The following UBAP2 variants were observed in gnomAD, a reference collection of about 807,000 sequenced individuals.
UBAP2 encodes ubiquitin-associated protein 2.
A neutral mutation model predicts 139.6 loss-of-function variants in UBAP2; 75 were observed. That is an observed-to-expected ratio of 0.54 (90% CI 0.45 to 0.65). UBAP2 has a LOEUF of 0.65. Among genes scored for constraint, UBAP2 ranks in the 30% least tolerant of loss-of-function variants. The pLI is 0.00. For missense variants in UBAP2, 1,368 were observed against 1,369.6 expected (o/e 1.00, Z 0.02); for synonymous variants, 526 against 526.2 (o/e 1.00, Z 0.01).
At chr9:34,023,149 C>T (rs1283173916) in intron 1 of UBAP2, among the ~76,000 whole-genome samples, 1 of 151,628 alleles carries the variant, frequency 6.6e-6, no homozygotes, top group Non-Finnish European at 1.5e-5. Flanking sequence ...TCGCTTGAAC[C>T]CAGGAGGCAG....
intron 6 of UBAP2, among the ~76,000 whole-genome samples, chr9:33,982,864 T>C (rs891945867): frequency 1.3e-5 from 2 of 151,582 alleles, no homozygotes; most frequent in African/African-American, 4.8e-5. Flanking sequence ...CCCTATAATG[T>C]GTGGTGTTTT....
intron 21 of UBAP2, 25 bp from the exon 22 acceptor site, chr9:33,926,689 T>C (rs1823460106): frequency 1.2e-6 from 2 of 1,614,040 alleles, no homozygotes; most frequent in Non-Finnish European, 1.7e-6. Context: ...GAAAGTGTAT[T>C]TTAGGAACCA....
chr9:33,986,753 A>G lies in UBAP2; in HGVS notation c.520+7T>C, dbSNP rs1564048620. 6.2e-7 allele frequency: 1 copy of G among 1,613,300 alleles called. No homozygotes were observed. Among genetic ancestry groups the G allele is most frequent in the East Asian group, 2.2e-5 (1 of 44,852 alleles). ...AAAGCATTTTCTTCCCTCTTACTCT[A>G]GCTTACCTCTACCCCGGGCTCGCTT... On this transcript the variant is annotated splice_region_variant and intron_variant, in intron 6 of 28. Transcript: ENST00000379238.
intron 12 of UBAP2, among the ~76,000 whole-genome samples, chr9:33,949,868 G>A (rs894731461): frequency 6.6e-6 from 1 of 152,126 alleles, no homozygotes; most frequent in African/African-American, 2.4e-5. Flanking sequence ...AAGTTGTTTA[G>A]ATGACTAAGA....
intron 1 of UBAP2, among the ~76,000 whole-genome samples, chr9:34,020,313 G>A (rs1236708312): frequency 6.6e-6 from 1 of 151,166 alleles, no homozygotes; most frequent in African/African-American, 2.4e-5. Context: ...TGATAACAAT[G>A]CAGAGCCAAT....
At chr9:33,963,179 T>C (rs1465657371) in intron 9 of UBAP2, among the ~76,000 whole-genome samples, 2 of 152,030 alleles carry the variant, frequency 1.3e-5, no homozygotes, top group Non-Finnish European at 2.9e-5. Context: ...TAAGCAGAGA[T>C]GCAACATGAT....
At chr9:34,016,349 AGGCAGCAGC>A (rs1309087591) in intron 2 of UBAP2, among the ~76,000 whole-genome samples, 1 of 79,506 alleles carries the variant, frequency 1.3e-5, no homozygotes, top group African/African-American at 6.1e-5. Flanking sequence ...GAAGAGGAGG[AGGCAGCAGC>A]GGCGGCAGCG....
rs148625327 is a variant in UBAP2, at chr9:33,964,094, A to C, written c.680-303T>G. Reference sequence around the variant, plus strand: ...TGTTCAACAGGTACCAGTTTTTAGAAAATTTATAAATTAGCCTTCTGAGTA... The same window carrying C: ...TGTTCAACAGGTACCAGTTTTTAGACAATTTATAAATTAGCCTTCTGAGTA... On this transcript the variant is annotated intron_variant, in intron 8 of 28. Transcript: ENST00000379238. Among the ~76,000 whole-genome samples the C allele has an allele frequency of 8.8e-4, 134 of 152,316 alleles. 1 individual carries two copies. The East Asian group carries it at 0.023, about 27-fold the overall frequency.
At position 33,947,601 on chromosome 9, in the gene UBAP2, C is replaced by A. The variant is rs1354803590; in HGVS notation, c.1270+773G>T. 2.0e-5 allele frequency among the ~76,000 whole-genome samples: 3 copies of A among 151,986 alleles called. No individual in the cohort carries two copies. In the East Asian group the frequency reaches 5.8e-4, roughly 29 times the overall value. On this transcript the variant is annotated intron_variant, in intron 13 of 28. Transcript: ENST00000379238. ...CTTTTGGAGGCCGAGGTGGGCAGAT[C>A]ACCTTAGTCCAGGAGTTCCAGACCA... is the stretch of plus-strand genomic sequence containing the variant.
chr9:34,006,645 G>A (rs1001121898), intron 2 of UBAP2, among the ~76,000 whole-genome samples: 1 of 152,010 alleles, frequency 6.6e-6, no homozygotes, highest in African/African-American at 2.4e-5. Context: ...CCGTGCCACT[G>A]CACTCCAGTC....
In UBAP2 at chr9:33,924,261, A is replaced by C; in HGVS notation, c.2535T>G (p.Ala845=). The C allele has an allele frequency of 2.5e-6, 4 of 1,614,180 alleles. No homozygotes were observed. The highest frequency in any genetic ancestry group is 1.6e-4 in the Middle Eastern group (1 of 6,062). Residue 845 remains alanine, a synonymous_variant, in exon 23 of 29, where the codon GCT becomes GCG. Transcript: ENST00000379238. ...CTCGGCTGGCAAGCGCTGTGGGTGC[A>C]GCAAAGGGAATTCCATAGTAGTCCT... ...LPVDYYGIPF[A]APTALASRDG...
intron 4 of UBAP2, among the ~76,000 whole-genome samples, chr9:33,991,497 T>C (rs928709309): frequency 6.6e-6 from 1 of 152,110 alleles, no homozygotes; most frequent in African/African-American, 2.4e-5. Flanking sequence ...AGGTCCTTGA[T>C]AGAAAAAGCA....
chr9:34,026,458 A>G (rs781462733), intron 1 of UBAP2, among the ~76,000 whole-genome samples: 3 of 152,188 alleles, frequency 2.0e-5, no homozygotes, highest in Non-Finnish European at 4.4e-5. Context: ...TACACAATTT[A>G]TGTTAAAGAA....
chr9:33,922,970 G>A lies in UBAP2; in HGVS notation c.3068C>T (p.Thr1023Ile), dbSNP rs374181118. ...CAACCCACCTTTGTCCCTCACCTGT[G>A]TCTTATTGTAGACAGAACCAGTCAT... ...PDMTGSVYNK[T>I]QTFDKQGFHA... is the part of the protein sequence containing the mutation. Residue 1023 changes from threonine to isoleucine, a missense_variant, in exon 27 of 29, where the codon ACA becomes ATA. Coordinates refer to ENST00000379238, the MANE Select transcript of UBAP2 (RefSeq NM_001370062.2). 1.9e-4 allele frequency: 301 copies of A among 1,614,128 alleles called. 6 individuals carry two copies. The South Asian group carries it at 2.5e-3, about 13-fold the overall frequency.
At chr9:33,982,827 T>C (rs963372103) in intron 6 of UBAP2, among the ~76,000 whole-genome samples, 1 of 152,090 alleles carries the variant, frequency 6.6e-6, no homozygotes, top group East Asian at 1.9e-4. Flanking sequence ...TCCTAACAGA[T>C]ACTCAATCTC....
rs1824452277 is a variant in UBAP2, at chr9:34,017,296, ACAAATT to A, written c.-41-113_-41-108del. The stretch of plus-strand genomic sequence containing the variant: ...ATAAAAGATAAAAGCTCTCTGGAAT[ACAAATT>A]CTCAAGAAGTAGCCCTTGAGGATTT... On this transcript the variant is annotated intron_variant, in intron 1 of 28. Coordinates refer to ENST00000379238, the MANE Select transcript of UBAP2 (RefSeq NM_001370062.2). 1.6e-5 allele frequency: 8 copies of A among 485,290 alleles called. No homozygotes were observed. The East Asian group carries it at 2.8e-4, about 17-fold the overall frequency. 30.1% of individuals were successfully genotyped at this position (485,290 alleles called of 1,614,324 possible).
chr9:33,933,507 A>C lies in UBAP2; in HGVS notation c.2091T>G (p.Pro697=). 6.2e-7 allele frequency: 1 copy of C among 1,613,800 alleles called. No individual in the cohort carries two copies. The highest frequency in any genetic ancestry group is 8.5e-7 in the Non-Finnish European group (1 of 1,179,968). ...SQHTGDLTSS[P]LSQLSSSLSS... ...CCCCATACCTGCTAAGCTGAGAGAGAGGGCTGCTAGTCAGGTCGCCAGTGT... is the reference window on the plus strand; with the variant it reads ...CCCCATACCTGCTAAGCTGAGAGAGCGGGCTGCTAGTCAGGTCGCCAGTGT... The change falls in exon 18 of 29, where the codon CCT becomes CCG. Residue 697 remains proline, a synonymous_variant. Transcript: ENST00000379238.
chr9:34,027,698 A>C (rs1399227923), intron 1 of UBAP2, among the ~76,000 whole-genome samples: 6 of 51,072 alleles, frequency 1.2e-4, no homozygotes, highest in Admixed American at 9.8e-4. Flanking sequence ...TCTACTAAAA[A>C]TACAAAAAAA....
In UBAP2 at chr9:33,973,225, C is replaced by T; in HGVS notation, c.533G>A (p.Gly178Asp). The T allele has an allele frequency of 2.5e-6, 4 of 1,613,984 alleles. No individual in the cohort carries two copies. The highest frequency in any genetic ancestry group is 3.4e-6 in the Non-Finnish European group (4 of 1,179,920). The part of the protein sequence containing the change: ...KRARGRGFGR[G>D]RGRGAGRFST... ...GAACCTTCCTGCCCCTCTCCCTCTGCCACGTCCAAATCCTTTAAAAAAACA... is the reference window on the plus strand; with the variant it reads ...GAACCTTCCTGCCCCTCTCCCTCTGTCACGTCCAAATCCTTTAAAAAAACA... The change falls in exon 7 of 29, where the codon GGC becomes GAC. Residue 178 changes from glycine (G) to aspartate (D), a missense_variant. Coordinates refer to ENST00000379238, the MANE Select transcript of UBAP2 (RefSeq NM_001370062.2).
Sources: allele counts gnomAD v4.1 joint callset (sites outside exome capture counted in the v4.1 genomes callset), GRCh38; gene constraint gnomAD v4.1.1; transcripts MANE v1.5; gene names NCBI Gene and HGNC (gene_info 2026-07-23, HGNC 2026-07-21).